UNC45B: variants seen among roughly 807,000 people sequenced by gnomAD.
The protein encoded by UNC45B is protein unc-45 homolog B.
Under a neutral mutation model 98.7 loss-of-function variants are expected in UNC45B, and 78 were observed. The observed-to-expected ratio is 0.79, with a 90% CI of 0.66 to 0.95. The LOEUF (loss-of-function observed/expected upper bound fraction) is 0.95, where lower values mean the gene tolerates loss of function less well. Among genes scored for constraint, UNC45B ranks in the 40% least tolerant of loss-of-function variants. The pLI, the probability that UNC45B is intolerant of heterozygous loss-of-function variation, is 0.00. For missense variants in UNC45B, 1,225 were observed against 1,184.9 expected, an observed-to-expected ratio of 1.03 and a Z score of -0.50; for synonymous variants, 462 against 480.4, an observed-to-expected ratio of 0.96 and a Z score of 0.50.
At chr17:35,178,143 G>T (rs567577038) in intron 17 of UNC45B, among the ~76,000 whole-genome samples, 1 of 152,212 alleles carries the variant, frequency 6.6e-6, no homozygotes, top group Non-Finnish European at 1.5e-5. Flanking sequence ...CAGGTGATCT[G>T]CCCGCCTTGG....
intron 5 of UNC45B, 125 bp downstream of exon 5, chr17:35,153,107 G>A: frequency 1.4e-6 from 1 of 736,322 alleles, no homozygotes; most frequent in Non-Finnish European, 2.3e-6. Context: ...ATTGGCCAAA[G>A]GTTAAGCACA....
chr17:35,153,050 AG>A, intron 5 of UNC45B, 68 bp downstream of exon 5: 6 of 1,356,968 alleles, frequency 4.4e-6, no homozygotes, highest in Middle Eastern at 4.6e-4. Flanking sequence ...CATCATTCCG[AG>A]GGGGAAGGGG....
chr17:35,154,819 T>A lies in UNC45B; in HGVS notation c.639+78T>A, dbSNP rs111496978. 3.6e-4 allele frequency: 512 copies of A among 1,431,508 alleles called. 3 individuals are homozygous for A. In the African/African-American group the frequency reaches 6.1e-3, roughly 17 times the overall value. The allele number at this position is 1,431,508 out of a possible 1,614,324, so 88.7% of individuals were successfully genotyped here. On this transcript the variant is annotated intron_variant, in intron 6 of 19. Coordinates refer to ENST00000394570, the MANE Select transcript of UNC45B (RefSeq NM_001267052.2). Reference sequence around the variant, plus strand: ...CCGGAGGGTGACGTGTGGTCAGGGCTGTGGCTGGCATCAATGGAACCAGAT... The same window carrying A: ...CCGGAGGGTGACGTGTGGTCAGGGCAGTGGCTGGCATCAATGGAACCAGAT...
Position 35,171,459 on chromosome 17 carries a change from C to T in UNC45B, c.1827C>T (p.Pro609=). The T allele has an allele frequency of 6.8e-6, 11 of 1,614,022 alleles. No individual in the cohort carries two copies. Among genetic ancestry groups the T allele is most frequent in the Non-Finnish European group, 9.3e-6 (11 of 1,179,928 alleles). Residue 609 remains proline, a synonymous_variant, in exon 13 of 20, where the codon CCC becomes CCT. Transcript: ENST00000394570. ...AGCAGCATGTGCCCGAGGAACACCC[C>T]AAGGTAGGGTCAGGCGCGACCCGGG... ...FSKQHVPEEH[P]KDKKDFIDMR... is the part of the protein sequence containing the mutation.
In UNC45B at chr17:35,155,548, G is replaced by GT. The variant is rs974239784; in HGVS notation, c.808+85dup. The GT allele has an allele frequency of 2.2e-5, 31 of 1,417,804 alleles. No individual in the cohort carries two copies. The African/African-American group carries it at 4.0e-4, about 18-fold the overall frequency. 87.8% of individuals were successfully genotyped at this position (1,417,804 alleles called of 1,614,324 possible). ...ACCTCAGACTGGGAATTCCCTGTAT[G>GT]TGGGGGTGGCTTGGTTTTATGTATT... On this transcript the variant is annotated intron_variant, in intron 7 of 19. Transcript: ENST00000394570.
Position 35,186,367 on chromosome 17 carries a change from C to T in UNC45B, c.2598C>T (p.Gly866=). The change falls in exon 20 of 20, where the codon GGC becomes GGT. Residue 866 remains glycine (G), a synonymous_variant. Coordinates refer to ENST00000394570, the MANE Select transcript of UNC45B (RefSeq NM_001267052.2). ...ACCAGCTGTCTGTCCAACACCGGGG[C>T]CTGGTCATTGCCTACAACCTACTGG... The part of the protein sequence containing the change: ...LHDQLSVQHR[G]LVIAYNLLAA... 2 of 1,614,176 alleles carry T rather than the reference C, an allele frequency of 1.2e-6. No homozygotes were observed. The highest frequency in any genetic ancestry group is 2.2e-5 in the South Asian group (2 of 91,082).
rs568659377 is a variant in UNC45B at position 35,155,205 on chromosome 17, G to A, written c.640-91G>A. 31 of 1,493,762 alleles carry A rather than the reference G, an allele frequency of 2.1e-5. No homozygotes were observed. The African/African-American group carries it at 4.1e-4, about 20-fold the overall frequency. The allele number at this position is 1,493,762 out of a possible 1,614,324, so 92.5% of individuals were successfully genotyped here. A position where few individuals can be genotyped will look rare whatever the true frequency, so the allele number is the denominator to read the frequency against. On this transcript the variant is annotated intron_variant, in intron 6 of 19. Transcript: ENST00000394570. Reference sequence around the variant, plus strand: ...CTGATTTCTCTACTGCATGGGATAGGGTGGGGAGGATTATCACACCCTCTC... The same window carrying A: ...CTGATTTCTCTACTGCATGGGATAGAGTGGGGAGGATTATCACACCCTCTC...
Position 35,168,188 on chromosome 17 carries a change from G to A in UNC45B, c.1279G>A (p.Val427Met), listed in dbSNP as rs2092154966. ...LGLKGVMEMM[V>M]ALCGSERETD... ...ACTGAAAGGTGTGATGGAGATGATG[G>A]TGGCACTATGTGGCTCAGAGCGCGA... Residue 427 changes from valine to methionine, a missense_variant, in exon 10 of 20, where the codon GTG becomes ATG. By Grantham distance (21) the Val-to-Met change is conservative. Coordinates refer to ENST00000394570, the MANE Select transcript of UNC45B (RefSeq NM_001267052.2). The A allele has an allele frequency of 1.2e-6, 2 of 1,605,950 alleles. No individual in the cohort carries two copies. The highest frequency in any genetic ancestry group is 1.7e-6 in the Non-Finnish European group (2 of 1,175,830).
chr17:35,171,076 G>A (rs527758288), intron 12 of UNC45B, among the ~76,000 whole-genome samples: 1 of 152,282 alleles, frequency 6.6e-6, no homozygotes, highest in South Asian at 2.1e-4. Flanking sequence ...GCAAAGCGAG[G>A]ATCTTTGTGG....
Position 35,171,777 on chromosome 17 carries a change from C to G in UNC45B, c.1830+315C>G, listed in dbSNP as rs73989554. Reference sequence around the variant, plus strand: ...TAAAAGACAGTTTTATTTCATGTCTCCAACAGATAACAATTTGATTTTCTC... The same window carrying G: ...TAAAAGACAGTTTTATTTCATGTCTGCAACAGATAACAATTTGATTTTCTC... On this transcript the variant is annotated intron_variant, in intron 13 of 19. Coordinates refer to ENST00000394570, the MANE Select transcript of UNC45B (RefSeq NM_001267052.2). 0.017 allele frequency among the ~76,000 whole-genome samples: 2,587 copies of G among 152,244 alleles called. 81 individuals carry two copies. The highest frequency in any genetic ancestry group is 0.059 in the African/African-American group (2,466 of 41,524).
chr17:35,168,092 A>G lies in UNC45B; in HGVS notation c.1183A>G (p.Asn395Asp), dbSNP rs142752911. 46 of 1,559,092 alleles carry G rather than the reference A, an allele frequency of 3.0e-5. No individual in the cohort carries two copies. The African/African-American group carries it at 5.9e-4, about 20-fold the overall frequency. The change falls in exon 10 of 20, where the codon AAC becomes GAC. Residue 395 changes from asparagine (N) to aspartate (D), a missense_variant. Asn to Asp is a conservative substitution (Grantham distance 23). Transcript: ENST00000394570. ...GKFDPQDMDK[N>D]LNAIQTVSGI... ...GTTTGACCCCCAGGACATGGACAAG[A>G]ACTTGAATGCCATCCAGACAGTGTC...
chr17:35,148,564 G>A (rs551179418), intron 2 of UNC45B, 133 bp downstream of exon 2: 1 of 1,075,010 alleles, frequency 9.3e-7, no homozygotes, highest in African/African-American at 1.6e-5. Flanking sequence ...TTGGAGAAGG[G>A]TGCCTCCAAC....
chr17:35,152,811 A>G, intron 4 of UNC45B, 82 bp from the exon 5 acceptor site: 5 of 1,049,678 alleles, frequency 4.8e-6, no homozygotes, highest in Non-Finnish European at 7.5e-6. Flanking sequence ...GACACCTGAT[A>G]TTTACTGAGA....
intron 14 of UNC45B, among the ~76,000 whole-genome samples, chr17:35,175,071 GAAAGAAAGAAAGAA>G (rs1318274292): frequency 6.4e-5 from 6 of 93,562 alleles, no homozygotes; most frequent in South Asian, 3.9e-4. Flanking sequence ...AAGAAAGAAA[GAAAGAAAGAAAGAA>G]AGAGAAAGAA....
chr17:35,175,002 G>A (rs2092218309), intron 14 of UNC45B, among the ~76,000 whole-genome samples: 1 of 142,796 alleles, frequency 7.0e-6, no homozygotes, highest in Admixed American at 7.1e-5. Context: ...AGGAAGGAGG[G>A]AAGAAAGAAA....
chr17:35,157,767 T>A (rs2142542161), intron 7 of UNC45B, among the ~76,000 whole-genome samples: 1 of 152,344 alleles, frequency 6.6e-6, no homozygotes, highest in East Asian at 1.9e-4. Context: ...TTCATCAGAT[T>A]GATCATTTTT....
intron 19 of UNC45B, among the ~76,000 whole-genome samples, chr17:35,184,497 C>T (rs926903320): frequency 1.6e-4 from 25 of 152,200 alleles, no homozygotes; most frequent in African/African-American, 5.5e-4. Context: ...TGTCACTGGT[C>T]ACATAACTCT....
chr17:35,163,376 A>G (rs1331171625), intron 8 of UNC45B, among the ~76,000 whole-genome samples: 2 of 152,178 alleles, frequency 1.3e-5, no homozygotes, highest in African/African-American at 4.8e-5. Context: ...GTGCTCATTT[A>G]TTTAACAAAG....
At position 35,177,575 on chromosome 17, in the gene UNC45B, C is replaced by A; in HGVS notation, c.2220C>A (p.Gly740=). Residue 740 remains glycine, a synonymous_variant, in exon 17 of 20, where the codon GGC becomes GGA. Transcript: ENST00000394570. ...DGLQNYEALL[G]LTNLSGRSDK... ...TTCAGAACTATGAGGCTCTCCTAGG[C>A]CTCACCAACCTGTCTGGGCGGAGTG... The A allele has an allele frequency of 1.3e-6, 2 of 1,558,648 alleles. No homozygotes were observed. Among genetic ancestry groups the A allele is most frequent in the Non-Finnish European group, 1.7e-6 (2 of 1,150,402 alleles).
Sources: allele counts gnomAD v4.1 joint callset (sites outside exome capture counted in the v4.1 genomes callset), GRCh38; gene constraint gnomAD v4.1.1; transcripts MANE v1.5; gene names NCBI Gene and HGNC (gene_info 2026-07-23, HGNC 2026-07-21).